Variants in SGK2 observed in about 807,000 individuals in gnomAD.
The protein encoded by SGK2 is serine/threonine-protein kinase Sgk2.
SGK2 carries 36 observed loss-of-function variants against 47.5 expected under a neutral mutation model. That is an observed-to-expected ratio of 0.76 (90% CI 0.58 to 1.00). The LOEUF is 1.00. Among genes scored for constraint, SGK2 ranks in the 50% least tolerant of loss-of-function variants. The pLI is 0.00. For synonymous variants in SGK2, 157 were observed against 181.9 expected, an observed-to-expected ratio of 0.86 and a Z score of 1.10; for missense variants, 404 against 467.4, an observed-to-expected ratio of 0.86 and a Z score of 1.25.
intron 1 of SGK2, among the ~76,000 whole-genome samples, chr20:43,561,872 G>A (rs6103384): frequency 0.095 from 14,521 of 152,182 alleles, 2,324 homozygotes; most frequent in African/African-American, 0.33. Context: ...AGTGACAATG[G>A]GGGCTCAGGC....
rs752948659 is a variant in SGK2, at chr20:43,572,322, G to A, written c.597+185G>A. Among the ~76,000 whole-genome samples, 1 of 152,204 alleles carries A rather than the reference G, an allele frequency of 6.6e-6. No homozygotes were observed. Among genetic ancestry groups the A allele is most frequent in the Non-Finnish European group, 1.5e-5 (1 of 68,038 alleles). ...TGGGGGTACCAGCTCTAGGACTGCTGAGACCCAGCCAGCTAGCTGCTGGTG... is the reference window on the plus strand; with the variant it reads ...TGGGGGTACCAGCTCTAGGACTGCTAAGACCCAGCCAGCTAGCTGCTGGTG... On this transcript the variant is annotated intron_variant, in intron 9 of 12. Transcript: ENST00000373100. The surrounding 1 kb of genome is among the most constrained non-coding windows in gnomAD (Gnocchi z 4.2).
At position 43,559,177 on chromosome 20, in the gene SGK2, G is replaced by A. The variant is rs1015818073; in HGVS notation, c.-24+18G>A. 2 of 152,272 alleles carry A rather than the reference G, an allele frequency of 1.3e-5. No homozygotes were observed. The highest frequency in any genetic ancestry group is 4.8e-5 in the African/African-American group (2 of 41,468). The allele number at this position is 152,272 out of a possible 1,614,324, so 9.4% of individuals were successfully genotyped here. A position where few individuals can be genotyped will look rare whatever the true frequency, so the allele number is the denominator to read the frequency against. On this transcript the variant is annotated intron_variant, in intron 1 of 12. Coordinates refer to ENST00000373100, the MANE Select transcript of SGK2 (RefSeq NM_170693.3). Reference sequence around the variant, plus strand: ...GTTTTCAGGTGAGAGGCTCACCTGTGAGCAGGATACCTGCCTGCTCGCCTA... The same window carrying A: ...GTTTTCAGGTGAGAGGCTCACCTGTAAGCAGGATACCTGCCTGCTCGCCTA...
chr20:43,564,201 C>G (rs1385957193), intron 1 of SGK2, among the ~76,000 whole-genome samples: 1 of 152,268 alleles, frequency 6.6e-6, no homozygotes, highest in East Asian at 1.9e-4. Flanking sequence ...TCTTACGCAG[C>G]AGGAGAGTCG....
intron 12 of SGK2, chr20:43,583,609 A>G (rs1402478780): frequency 1.0e-6 from 1 of 985,404 alleles, no homozygotes; most frequent in Non-Finnish European, 1.2e-6. Context: ...GGCCTCCTCC[A>G]CAGAGAGACT....
intron 7 of SGK2, 73 bp downstream of exon 7, chr20:43,570,802 T>C (rs1434764304): frequency 1.5e-6 from 2 of 1,326,438 alleles, no homozygotes; most frequent in Non-Finnish European, 2.1e-6. Flanking sequence ...GTGTGGACAC[T>C]AAATCCTGAT....
rs759972648 is a variant in SGK2, at chr20:43,572,000, C to T, written c.511-51C>T. ...CTGGGCTTTGGGGGTTAGGCCTGGC[C>T]ATACCCTTGGCTCATACCACCCTCC... On this transcript the variant is annotated intron_variant, in intron 8 of 12. Coordinates refer to ENST00000373100, the MANE Select transcript of SGK2 (RefSeq NM_170693.3). 4 of 1,361,150 alleles carry T rather than the reference C, an allele frequency of 2.9e-6. No homozygotes were observed. The South Asian group carries it at 5.0e-5, about 17-fold the overall frequency. 84.3% of individuals were successfully genotyped at this position (1,361,150 alleles called of 1,614,324 possible). A position where few individuals can be genotyped will look rare whatever the true frequency, so the allele number is the denominator to read the frequency against.
At position 43,566,294 on chromosome 20, in the gene SGK2, G is replaced by T. The variant is rs199537353; in HGVS notation, c.-23-179G>T. On this transcript the variant is annotated intron_variant, in intron 1 of 12. Transcript: ENST00000373100. ...TTTGTTAGGAAGTCTGGGTCCAGGGGATATCATTTCTTGTTCCATCCATGC... is the reference window on the plus strand; with the variant it reads ...TTTGTTAGGAAGTCTGGGTCCAGGGTATATCATTTCTTGTTCCATCCATGC... The T allele has an allele frequency of 7.9e-5, 124 of 1,574,708 alleles. No individual in the cohort carries two copies. In the African/African-American group the frequency reaches 1.5e-3, roughly 20 times the overall value.
Position 43,567,700 on chromosome 20 carries a change from T to A in SGK2, c.122T>A (p.Ile41Asn), listed in dbSNP as rs369824445. 7 of 1,614,042 alleles carry A rather than the reference T, an allele frequency of 4.3e-6. No individual in the cohort carries two copies. The African/African-American group carries it at 9.3e-5, about 22-fold the overall frequency. Reference protein sequence around the residue: ...QPTDFDFLKVIGKGNYGKVLL... With the variant: ...QPTDFDFLKVNGKGNYGKVLL... ...ACGGACTTCGACTTCCTCAAAGTCA[T>A]CGGCAAAGGGAACTACGGGAAGGTG... Residue 41 changes from isoleucine to asparagine, a missense_variant, in exon 4 of 13, where the codon ATC (isoleucine) becomes AAC (asparagine). Transcript: ENST00000373100.
intron 10 of SGK2, 119 bp from the exon 11 acceptor site, chr20:43,576,105 C>A: frequency 8.8e-7 from 1 of 1,135,756 alleles, no homozygotes; most frequent in Non-Finnish European, 1.3e-6. Context: ...CCATGCGAGC[C>A]ATTGCACAAG....
At position 43,572,592 on chromosome 20, in the gene SGK2, G is replaced by A. The variant is rs573145501; in HGVS notation, c.597+455G>A. On this transcript the variant is annotated intron_variant, in intron 9 of 12. Coordinates refer to ENST00000373100, the MANE Select transcript of SGK2 (RefSeq NM_170693.3). This position sits in a 1 kb window ranked among gnomAD's most constrained non-coding sequence, Gnocchi z 4.2. Reference sequence around the variant, plus strand: ...CTCGGGAGGCTGAGGCAGGAGAATCGCTTGAATACAGGAGGCAGAGGTTGC... The same window carrying A: ...CTCGGGAGGCTGAGGCAGGAGAATCACTTGAATACAGGAGGCAGAGGTTGC... Among the ~76,000 whole-genome samples, 49 of 152,214 alleles carry A rather than the reference G, an allele frequency of 3.2e-4. No homozygotes were observed. Among genetic ancestry groups the A allele is most frequent in the Middle Eastern group, 3.4e-3 (1 of 294 alleles).
chr20:43,581,241 T>A (rs1980779182), intron 12 of SGK2, among the ~76,000 whole-genome samples: 1 of 152,188 alleles, frequency 6.6e-6, no homozygotes, highest in South Asian at 2.1e-4. Flanking sequence ...TGTGTGTTTA[T>A]TCATCTATAT....
In SGK2 at chr20:43,562,680, C is replaced by G. The variant is rs574120197; in HGVS notation, c.-24+3521C>G. On this transcript the variant is annotated intron_variant, in intron 1 of 12. Transcript: ENST00000373100. ...CGCTTGAACCAGAAAGCGGAGCTTG[C>G]AGTTAGCCAAGATTGTGCCATTGCA... is the stretch of plus-strand genomic sequence containing the variant. 3.9e-5 allele frequency among the ~76,000 whole-genome samples: 6 copies of G among 152,066 alleles called. No individual in the cohort carries two copies. In the South Asian group the frequency reaches 1.2e-3, roughly 32 times the overall value.
intron 12 of SGK2, chr20:43,583,605 C>A: frequency 1.0e-6 from 1 of 985,452 alleles, no homozygotes; most frequent in Non-Finnish European, 1.2e-6. Flanking sequence ...CCCAGGCCTC[C>A]TCCACAGAGA....
At chr20:43,560,566 G>C (rs1422192291) in intron 1 of SGK2, among the ~76,000 whole-genome samples, 1 of 151,688 alleles carries the variant, frequency 6.6e-6, no homozygotes, top group African/African-American at 2.4e-5. Context: ...TCATGACCCT[G>C]CAGTCTTTTT....
chr20:43,562,230 A>G (rs926079656), intron 1 of SGK2, among the ~76,000 whole-genome samples: 3 of 151,718 alleles, frequency 2.0e-5, no homozygotes, highest in African/African-American at 7.3e-5. Flanking sequence ...CCTGGGCAAC[A>G]TAGTGAAACC....
At chr20:43,562,151 C>T (rs758893669) in intron 1 of SGK2, among the ~76,000 whole-genome samples, 18 of 151,454 alleles carry the variant, frequency 1.2e-4, no homozygotes, top group Non-Finnish European at 1.8e-4. Flanking sequence ...CAGTGGGTCA[C>T]GCCTGTAATC....
In SGK2 at chr20:43,584,236, A is replaced by C. The variant is rs541747235; in HGVS notation, c.940-616A>C. Among the ~76,000 whole-genome samples the C allele has an allele frequency of 2.6e-5, 4 of 152,148 alleles. No individual in the cohort carries two copies. The South Asian group carries it at 8.3e-4, about 32-fold the overall frequency. ...AAGTACAGCAAGAGAGCAACTCCTG[A>C]TGTGCAATTTTCAAGCCTCTGCTTG... On this transcript the variant is annotated intron_variant, in intron 12 of 12. Transcript: ENST00000373100.
intron 12 of SGK2, 143 bp downstream of exon 12, chr20:43,580,204 C>G (rs952656317): frequency 6.9e-6 from 4 of 576,662 alleles, no homozygotes; most frequent in Non-Finnish European, 6.2e-6. Context: ...CAGTTAGAGA[C>G]AGAACTGGGC....
chr20:43,570,416 T>C (rs1980022475), intron 6 of SGK2, among the ~76,000 whole-genome samples: 1 of 152,220 alleles, frequency 6.6e-6, no homozygotes, highest in African/African-American at 2.4e-5. Context: ...TAAGCAATGC[T>C]AACTCATCTC....
Sources: gnomAD v4.1 joint callset for allele counts (sites outside exome capture counted in the v4.1 genomes callset) on GRCh38, gnomAD v4.1.1 for gene constraint, Gnocchi (gnomAD v3.1) non-coding constraint, MANE v1.5 for transcripts, NCBI Gene and HGNC (gene_info 2026-07-23, HGNC 2026-07-21) for gene names.